GARNL3: variants seen among roughly 807,000 people sequenced by gnomAD.
The protein encoded by GARNL3 is GTPase-activating Rap/Ran-GAP domain-like protein 3.
Under a neutral mutation model 125.0 loss-of-function variants are expected in GARNL3, and 63 were observed. The observed-to-expected ratio is 0.50, with a 90% CI of 0.41 to 0.62. GARNL3 has a LOEUF of 0.62. Among genes scored for constraint, GARNL3 ranks in the 20% least tolerant of loss-of-function variants. GARNL3 has a pLI of 0.00. For synonymous variants in GARNL3, 439 were observed against 457.5 expected (o/e 0.96, Z 0.52); for missense variants, 994 against 1,244.0 (o/e 0.80, Z 3.02).
At chr9:127,337,271 T>C (rs534155469) in intron 11 of GARNL3, among the ~76,000 whole-genome samples, 2 of 152,352 alleles carry the variant, frequency 1.3e-5, no homozygotes, top group Admixed American at 6.5e-5. Context: ...AACAGAAAAC[T>C]TCTCCAAATT....
chr9:127,243,102 C>T (rs1357237597), exon 2 of GARNL3: 2 of 1,362,674 alleles, frequency 1.5e-6, no homozygotes, highest in Non-Finnish European at 2.0e-6. Context: ...CCTCCAGGCC[C>T]ACTGATGGAC....
intron 2 of GARNL3, among the ~76,000 whole-genome samples, chr9:127,311,247 C>G (rs72766241): frequency 0.13 from 19,992 of 148,332 alleles, 1,713 homozygotes; most frequent in East Asian, 0.21. Context: ...AAAAAAAAAA[C>G]AGAAAAAACC....
At chr9:127,337,575 T>C (rs1194936026) in intron 11 of GARNL3, among the ~76,000 whole-genome samples, 2 of 152,172 alleles carry the variant, frequency 1.3e-5, no homozygotes, top group Non-Finnish European at 2.9e-5. Context: ...GATTCTTTCC[T>C]ACTATTTTAG....
chr9:127,291,118 T>G, intron 1 of GARNL3, 50 bp from the exon 2 acceptor site: 1 of 1,559,830 alleles, frequency 6.4e-7, no homozygotes, highest in South Asian at 1.1e-5. Context: ...TACATACAGA[T>G]AGAAGAGACA....
chr9:127,309,320 A>C (rs958201771), intron 2 of GARNL3, among the ~76,000 whole-genome samples: 2 of 152,230 alleles, frequency 1.3e-5, no homozygotes, highest in Non-Finnish European at 2.9e-5. Context: ...ATCTGAAAGT[A>C]GGGGGATAAA....
intron 22 of GARNL3, among the ~76,000 whole-genome samples, chr9:127,369,712 C>G (rs945149659): frequency 2.6e-5 from 4 of 152,172 alleles, no homozygotes; most frequent in Non-Finnish European, 5.9e-5. Flanking sequence ...AGAAAGCAGA[C>G]TGGGAGCACA....
intron 21 of GARNL3, among the ~76,000 whole-genome samples, chr9:127,359,755 G>A (rs1830884651): frequency 6.6e-6 from 1 of 152,118 alleles, no homozygotes; most frequent in Admixed American, 6.5e-5. Flanking sequence ...TAGCTATAGA[G>A]AATATCATTT....
chr9:127,318,208 T>C, intron 5 of GARNL3, 81 bp downstream of exon 5: 1 of 865,594 alleles, frequency 1.2e-6, no homozygotes, highest in Non-Finnish European at 2.0e-6. Flanking sequence ...ATTCTGATGT[T>C]ACCTTTCCAT....
At chr9:127,291,726 C>CTTTTTT (rs142800268) in intron 2 of GARNL3, among the ~76,000 whole-genome samples, 2 of 59,304 alleles carry the variant, frequency 3.4e-5, no homozygotes, top group African/African-American at 1.4e-4. Flanking sequence ...ACTCACCTTG[C>CTTTTTT]TTTTTTTTTT....
intron 2 of GARNL3, among the ~76,000 whole-genome samples, chr9:127,295,135 A>C (rs2064548794): frequency 6.6e-6 from 1 of 152,348 alleles, no homozygotes; most frequent in African/African-American, 2.4e-5. Flanking sequence ...TATGCAACTC[A>C]TCAAGGAATT....
intron 2 of GARNL3, among the ~76,000 whole-genome samples, chr9:127,250,672 C>G (rs2063385303): frequency 6.6e-6 from 1 of 152,148 alleles, no homozygotes; most frequent in Non-Finnish European, 1.5e-5. Flanking sequence ...TGTGAAGACT[C>G]AGGCACAGTC....
At chr9:127,260,200 A>C (rs2063561467), upstream of GARNL3, among the ~76,000 whole-genome samples, 1 of 152,184 alleles carries the variant, frequency 6.6e-6, no homozygotes, top group Non-Finnish European at 1.5e-5. Flanking sequence ...ATGGATAGAA[A>C]CCTGGATTAA....
intron 22 of GARNL3, among the ~76,000 whole-genome samples, chr9:127,380,759 T>C (rs1489835550): frequency 6.6e-6 from 1 of 152,222 alleles, no homozygotes; most frequent in East Asian, 1.9e-4. Context: ...AAATAAGTGG[T>C]TGACCAGGGC....
chr9:127,390,108 G>A (rs1832745535), intron 26 of GARNL3, among the ~76,000 whole-genome samples: 1 of 152,190 alleles, frequency 6.6e-6, no homozygotes, highest in African/African-American at 2.4e-5. Context: ...ACTGGGACCT[G>A]CATGAACGTT....
intron 1 of GARNL3, among the ~76,000 whole-genome samples, chr9:127,229,319 T>C (rs2062963717): frequency 6.6e-6 from 1 of 152,172 alleles, no homozygotes; most frequent in Admixed American, 6.5e-5. Flanking sequence ...GTGCCCCTGC[T>C]CCAGGCCTGT....
intron 2 of GARNL3, among the ~76,000 whole-genome samples, chr9:127,295,027 C>T (rs936731129): frequency 2.0e-5 from 3 of 152,246 alleles, no homozygotes; most frequent in African/African-American, 4.8e-5. Flanking sequence ...AGCCTCTGAA[C>T]AGTGCTTCTC....
chr9:127,353,989 G>T, intron 18 of GARNL3, 45 bp downstream of exon 18: 1 of 1,313,534 alleles, frequency 7.6e-7, no homozygotes, highest in Non-Finnish European at 1.1e-6. Flanking sequence ...AAGGAAAACA[G>T]TTGCCTTCTG....
In GARNL3 at chr9:127,339,538, A is replaced by G. The variant is rs144350362; in HGVS notation, c.1029-107A>G. On this transcript the variant is annotated intron_variant, in intron 12 of 27. Transcript: ENST00000373387. ...AGTTACCTCTCCCTGGGTCCCACCC[A>G]TGGCATGTGGGAATTCTGGGAGATA... 9.0e-5 allele frequency: 70 copies of G among 775,478 alleles called. No individual in the cohort carries two copies. In the East Asian group the frequency reaches 1.6e-3, roughly 17 times the overall value. The allele number at this position is 775,478 out of a possible 1,614,324, so 48.0% of individuals were successfully genotyped here.
In GARNL3 at chr9:127,392,420, G is replaced by A. The variant is rs180733856; in HGVS notation, c.2871-663G>A. Among the ~76,000 whole-genome samples, 1 of 152,326 alleles carries A rather than the reference G, an allele frequency of 6.6e-6. No individual in the cohort carries two copies. The highest frequency in any genetic ancestry group is 1.9e-4 in the East Asian group (1 of 5,186). On this transcript the variant is annotated intron_variant, in intron 27 of 27. Coordinates refer to ENST00000373387, the MANE Select transcript of GARNL3 (RefSeq NM_032293.5). The surrounding 1 kb of genome is among the most constrained non-coding windows in gnomAD (Gnocchi z 5.2). The stretch of plus-strand genomic sequence containing the variant: ...TTGGAATAAACGGTAAGAAGCTAGG[G>A]GAACAGCCCTTCTGACAGCAACTAC...
Sources: gnomAD v4.1 joint callset for allele counts (sites outside exome capture counted in the v4.1 genomes callset) on GRCh38, gnomAD v4.1.1 for gene constraint, Gnocchi (gnomAD v3.1) non-coding constraint, MANE v1.5 for transcripts, NCBI Gene and HGNC (gene_info 2026-07-23, HGNC 2026-07-21) for gene names.